VPS13C: variants seen among roughly 807,000 people sequenced by gnomAD.
VPS13C encodes intermembrane lipid transfer protein VPS13C.
Under a neutral mutation model 456.8 loss-of-function variants are expected in VPS13C, and 358 were observed. The observed-to-expected ratio is 0.78, with a 90% CI of 0.72 to 0.86. The LOEUF (loss-of-function observed/expected upper bound fraction) is 0.86, where lower values mean the gene tolerates loss of function less well. VPS13C is among the 40% of genes least tolerant of loss of function. The pLI is 0.00. For synonymous variants in VPS13C, 1,578 were observed against 1,486.7 expected (o/e 1.06, Z -1.41); for missense variants, 4,818 against 4,385.4 (o/e 1.10, Z -2.79).
chr15:61,864,483 T>C (rs1566954199), intron 81 of VPS13C: 1 of 820,926 alleles, frequency 1.2e-6, no homozygotes, highest in African/African-American at 1.9e-5. Context: ...ATACAGAACA[T>C]AAATATACTG....
chr15:61,914,295 G>A (rs573112425), intron 61 of VPS13C, among the ~76,000 whole-genome samples: 6 of 152,206 alleles, frequency 3.9e-5, no homozygotes, highest in East Asian at 2.0e-4. Flanking sequence ...GGTGCCATGC[G>A]TGGTGGCTCA....
rs774938725 is a variant in VPS13C at position 61,977,111 on chromosome 15, G to T, written c.2379C>A (p.Ala793=). The part of the protein sequence containing the change: ...PMDIHVELAK[A]MVEKDIRMAR... ...CCATTCTAATGTCTTTTTCTACCATGGCCTTAGCCAACTCAACATGAATAT... is the reference window on the plus strand; with the variant it reads ...CCATTCTAATGTCTTTTTCTACCATTGCCTTAGCCAACTCAACATGAATAT... Residue 793 remains alanine (A), a synonymous_variant, in exon 24 of 85, where the codon GCC becomes GCA. Coordinates refer to ENST00000644861, the MANE Select transcript of VPS13C (RefSeq NM_020821.3). 6.2e-7 allele frequency: 1 copy of T among 1,600,106 alleles called. No homozygotes were observed. The highest frequency in any genetic ancestry group is 8.5e-7 in the Non-Finnish European group (1 of 1,173,874).
At chr15:61,914,365 T>A (rs2043396504) in intron 61 of VPS13C, among the ~76,000 whole-genome samples, 1 of 151,898 alleles carries the variant, frequency 6.6e-6, no homozygotes, top group African/African-American at 2.4e-5. Context: ...GGTCAGGAGT[T>A]CGAGACCAGA....
At chr15:62,001,987 A>G (rs897637622) in intron 15 of VPS13C, among the ~76,000 whole-genome samples, 1 of 152,196 alleles carries the variant, frequency 6.6e-6, no homozygotes, top group African/African-American at 2.4e-5. Flanking sequence ...ATATGTGTGC[A>G]TGTGTCTTTA....
rs201956801 is a variant in VPS13C at position 62,054,861 on chromosome 15, CATT to C, written c.100+5411_100+5413del. ...CCATCACCCAGCCAGGTTTGTTAATCATTATTATTATCAATATTATCAACAATG... is the reference window on the plus strand; with the variant it reads ...CCATCACCCAGCCAGGTTTGTTAATCATTATTATCAATATTATCAACAATG... On this transcript the variant is annotated intron_variant, in intron 1 of 84. Transcript: ENST00000644861. 6.4e-3 allele frequency among the ~76,000 whole-genome samples: 970 copies of C among 152,178 alleles called. 8 individuals carry two copies. Among genetic ancestry groups the C allele is most frequent in the African/African-American group, 0.022 (914 of 41,510 alleles).
chr15:62,044,115 C>G, intron 2 of VPS13C, 97 bp downstream of exon 2: 1 of 762,098 alleles, frequency 1.3e-6, no homozygotes, highest in Non-Finnish European at 2.1e-6. Context: ...GATTCCATCA[C>G]TTTATCTAGT....
At chr15:61,865,672 G>A in intron 81 of VPS13C, 1 of 363,364 alleles carries the variant, frequency 2.8e-6, no homozygotes. Flanking sequence ...GTGTATATAT[G>A]TGTATATTTG....
At chr15:61,860,474 C>A (rs1205267650) in intron 82 of VPS13C, among the ~76,000 whole-genome samples, 6 of 151,994 alleles carry the variant, frequency 3.9e-5, no homozygotes, top group East Asian at 1.9e-4. Flanking sequence ...AATTAGCAAT[C>A]CCCCTTTTAA....
rs1566957992 is a variant in VPS13C at position 61,869,525 on chromosome 15, T to A, written c.10723A>T (p.Ser3575Cys). 1.9e-6 allele frequency: 3 copies of A among 1,614,054 alleles called. No homozygotes were observed. Among genetic ancestry groups the A allele is most frequent in the Non-Finnish European group, 2.5e-6 (3 of 1,180,030 alleles). Residue 3575 changes from serine (S) to cysteine (C), a missense_variant, in exon 80 of 85, where the codon AGT becomes TGT. Physicochemically the swap from Ser to Cys is moderately radical, Grantham distance 112 (BLOSUM62 -1). Transcript: ENST00000644861. ...CTCTGAATGCCTTGGAAGGTACTACTGGCCATATCTACGATTCCACCAGTT... is the reference window on the plus strand; with the variant it reads ...CTCTGAATGCCTTGGAAGGTACTACAGGCCATATCTACGATTCCACCAGTT... ...RPTGGIVDMA[S>C]STFQGIQRAA...
chr15:61,872,928 A>G (rs12438431), intron 78 of VPS13C, among the ~76,000 whole-genome samples: 78,140 of 151,860 alleles, frequency 0.51, 20,736 homozygotes, highest in Admixed American at 0.61. Context: ...GAAACAGTCA[A>G]TTGCTGATGA....
intron 28 of VPS13C, 58 bp downstream of exon 28, chr15:61,969,241 G>T (rs920107057): frequency 3.2e-6 from 4 of 1,242,004 alleles, no homozygotes; most frequent in Non-Finnish European, 4.5e-6. Flanking sequence ...AAGTGTTTCA[G>T]ATACTCAAAA....
Position 62,028,426 on chromosome 15 carries a change from T to A in VPS13C, c.386-6A>T, listed in dbSNP as rs1321596966. On this transcript the variant is annotated splice_region_variant and splice_polypyrimidine_tract_variant and intron_variant, in intron 5 of 84. Transcript: ENST00000644861. ...GAACTCCCCTGAATGTGTGCCTGCA[T>A]CCCACATGGCAGCAATAACCAAAAT... The A allele has an allele frequency of 6.2e-7, 1 of 1,612,808 alleles. No homozygotes were observed.
chr15:61,914,430 G>A (rs1286861738), intron 61 of VPS13C, among the ~76,000 whole-genome samples: 1 of 151,902 alleles, frequency 6.6e-6, no homozygotes, highest in Non-Finnish European at 1.5e-5. Flanking sequence ...TTAGCACTGT[G>A]TGGCGGCAGG....
At chr15:61,883,986 A>G (rs1896073878) in intron 68 of VPS13C, 142 bp downstream of exon 68, 5 of 617,652 alleles carry the variant, frequency 8.1e-6, no homozygotes, top group Admixed American at 3.8e-5. Flanking sequence ...AGACACGCCA[A>G]TCCTATTAAG....
chr15:62,034,728 A>C (rs373175626), intron 4 of VPS13C, among the ~76,000 whole-genome samples: 1 of 152,010 alleles, frequency 6.6e-6, no homozygotes, highest in South Asian at 2.1e-4. Flanking sequence ...AAACAGAATA[A>C]ATTGAAAAAA....
At chr15:62,002,366 G>T (rs140900010) in intron 15 of VPS13C, among the ~76,000 whole-genome samples, 8,779 of 152,128 alleles carry the variant, frequency 0.058, 325 homozygotes, top group Non-Finnish European at 0.084. Context: ...TGATGGGGTT[G>T]TTTGTTTTTT....
intron 69 of VPS13C, 24 bp downstream of exon 69, chr15:61,882,572 C>T (rs775715293): frequency 6.6e-5 from 98 of 1,490,394 alleles, no homozygotes; most frequent in Non-Finnish European, 8.6e-5. Context: ...ATGATAAATA[C>T]TTATTTGAGA....
Position 61,873,933 on chromosome 15 carries a change from C to T in VPS13C, c.10415-524G>A, listed in dbSNP as rs138956946. 1.3e-4 allele frequency among the ~76,000 whole-genome samples: 20 copies of T among 150,156 alleles called. No individual in the cohort carries two copies. The East Asian group carries it at 2.5e-3, about 19-fold the overall frequency. On this transcript the variant is annotated intron_variant, in intron 77 of 84. Transcript: ENST00000644861. ...TGCAATCAATCTAAGTGTCTATCAACGGATGAATGGATAAAGAAAATGTGA... is the reference window on the plus strand; with the variant it reads ...TGCAATCAATCTAAGTGTCTATCAATGGATGAATGGATAAAGAAAATGTGA...
intron 17 of VPS13C, 82 bp downstream of exon 17, chr15:61,991,585 CAAAATA>C: frequency 7.1e-7 from 1 of 1,407,198 alleles, no homozygotes; most frequent in Non-Finnish European, 9.4e-7. Context: ...AAATGTATTT[CAAAATA>C]AAATTCAACA....
Sources: gnomAD v4.1 joint callset for allele counts (sites outside exome capture counted in the v4.1 genomes callset) on GRCh38, gnomAD v4.1.1 for gene constraint, MANE v1.5 for transcripts, NCBI Gene and HGNC (gene_info 2026-07-23, HGNC 2026-07-21) for gene names.